Variants in RARB observed in about 807,000 individuals in gnomAD.
RARB encodes the protein HBV-activated protein.
In RARB, 17 loss-of-function variants were observed where a neutral mutation model predicts 51.9. The ratio of observed to expected loss-of-function variants is 0.33; its 90% confidence interval spans 0.22 to 0.49. RARB has a LOEUF of 0.49. Among genes scored for constraint, RARB ranks in the 20% least tolerant of loss-of-function variants. RARB has a pLI of 0.99. For missense variants in RARB, 369 were observed against 550.8 expected, an observed-to-expected ratio of 0.67 and a Z score of 3.30; for synonymous variants, 215 against 195.4, an observed-to-expected ratio of 1.10 and a Z score of -0.84.
At chr3:25,433,726 G>A (rs1708303725) in intron 1 of RARB, among the ~76,000 whole-genome samples, 3 of 152,142 alleles carry the variant, frequency 2.0e-5, no homozygotes, top group Admixed American at 6.6e-5. Context: ...TGCCCCATCT[G>A]TAAGATCTAA....
upstream of RARB, among the ~76,000 whole-genome samples, chr3:25,426,963 A>G (rs1000526961): frequency 6.6e-6 from 1 of 152,182 alleles, no homozygotes; most frequent in African/African-American, 2.4e-5. Flanking sequence ...AAATTACTGT[A>G]TTTTAATAAA....
At chr3:25,001,426 A>C (rs1354853133) in intron 2 of RARB, among the ~76,000 whole-genome samples, 2 of 152,166 alleles carry the variant, frequency 1.3e-5, no homozygotes, top group Non-Finnish European at 2.9e-5. Context: ...TCAGCAGAGT[A>C]GCAATGTGGA....
At chr3:25,214,285 T>G (rs1289675859) in intron 5 of RARB, among the ~76,000 whole-genome samples, 1 of 152,108 alleles carries the variant, frequency 6.6e-6, no homozygotes. Flanking sequence ...GAAGTTCTCT[T>G]TGAGCGATTA....
At chr3:25,584,091 A>G (rs1240220970) in intron 5 of RARB, among the ~76,000 whole-genome samples, 1 of 152,162 alleles carries the variant, frequency 6.6e-6, no homozygotes, top group African/African-American at 2.4e-5. Flanking sequence ...TAAAAATCGT[A>G]AAAACAAACC....
intron 2 of RARB, among the ~76,000 whole-genome samples, chr3:24,960,173 T>C (rs192560831): frequency 7.9e-5 from 12 of 152,250 alleles, no homozygotes; most frequent in African/African-American, 1.2e-4. Context: ...TATGGCCTTA[T>C]ATTTTGAGGA....
At chr3:25,038,084 A>T (rs1334320759) in intron 2 of RARB, among the ~76,000 whole-genome samples, 2 of 152,192 alleles carry the variant, frequency 1.3e-5, no homozygotes, top group Admixed American at 1.3e-4. Context: ...ATTAACTGTC[A>T]TGCCCACTTT....
intron 4 of RARB, among the ~76,000 whole-genome samples, chr3:25,574,407 G>A (rs1002208814): frequency 6.6e-6 from 1 of 152,180 alleles, no homozygotes; most frequent in Non-Finnish European, 1.5e-5. Context: ...GAGTCGTGCC[G>A]AATGTGCAGC....
At chr3:25,373,920 G>A (rs1201824992) in intron 5 of RARB, among the ~76,000 whole-genome samples, 1 of 152,194 alleles carries the variant, frequency 6.6e-6, no homozygotes, top group Admixed American at 6.5e-5. Flanking sequence ...AGAAGCCAGA[G>A]CAGTGTCTGG....
intron 5 of RARB, among the ~76,000 whole-genome samples, chr3:25,209,910 A>T (rs1376937245): frequency 6.6e-6 from 1 of 152,170 alleles, no homozygotes; most frequent in Admixed American, 6.5e-5. Flanking sequence ...ATCTTCCTAC[A>T]TTTAACTTGG....
At chr3:25,388,903 T>C (rs1706869885) in intron 5 of RARB, among the ~76,000 whole-genome samples, 1 of 152,178 alleles carries the variant, frequency 6.6e-6, no homozygotes, top group Non-Finnish European at 1.5e-5. Context: ...TCTTCAAAGT[T>C]GTAAGAGGAG....
intron 1 of RARB, among the ~76,000 whole-genome samples, chr3:24,841,817 A>G (rs1702424841): frequency 6.6e-6 from 1 of 152,178 alleles, no homozygotes; most frequent in African/African-American, 2.4e-5. Flanking sequence ...GCATATACAC[A>G]CTGCACACAT....
intron 3 of RARB, among the ~76,000 whole-genome samples, chr3:25,516,672 G>A (rs1218529687): frequency 6.9e-6 from 1 of 145,028 alleles, no homozygotes; most frequent in African/African-American, 2.8e-5. Flanking sequence ...TGTCGTCCAG[G>A]CTGGAGTGCA....
At chr3:25,212,981 T>G (rs2125379464) in intron 5 of RARB, among the ~76,000 whole-genome samples, 1 of 152,322 alleles carries the variant, frequency 6.6e-6, no homozygotes, top group East Asian at 1.9e-4. Flanking sequence ...GTTCTCATAT[T>G]TCACTCTCAG....
intron 2 of RARB, among the ~76,000 whole-genome samples, chr3:24,946,971 G>A (rs570660151): frequency 6.6e-6 from 1 of 152,286 alleles, no homozygotes; most frequent in Admixed American, 6.5e-5. Flanking sequence ...TAGTGCCATT[G>A]AAAAGACATG....
rs1016658132 is a variant in RARB at position 25,534,610 on chromosome 3, A to T, written c.448+33287A>T. 3.9e-5 allele frequency among the ~76,000 whole-genome samples: 6 copies of T among 152,068 alleles called. 1 individual carries two copies. The highest frequency in any genetic ancestry group is 1.2e-4 in the African/African-American group (5 of 41,396). ...CCCCCCGGCACAGTGTTTGCTGAAC[A>T]TACCTGTTTGGATACACTTTTGTGA... On this transcript the variant is annotated intron_variant, in intron 3 of 7. Coordinates refer to ENST00000330688, the MANE Select transcript of RARB (RefSeq NM_000965.5).
At chr3:25,245,404 G>A (rs1422249179) in intron 5 of RARB, among the ~76,000 whole-genome samples, 1 of 152,092 alleles carries the variant, frequency 6.6e-6, no homozygotes, top group Non-Finnish European at 1.5e-5. Context: ...AGTGTTGATG[G>A]CCTTTACATT....
At position 25,405,354 on chromosome 3, in the gene RARB, A is replaced by G. The variant is rs1360868590; in HGVS notation, c.179-55839A>G. ...GGCAACACAGTGAGACCCTGTCTCT[A>G]TTTAACAAACAAACAACTACTATAT... On this transcript the variant is annotated intron_variant, in intron 5 of 11. Transcript: ENST00000383772. Among the ~76,000 whole-genome samples, 6 of 152,324 alleles carry G rather than the reference A, an allele frequency of 3.9e-5. No individual in the cohort carries two copies. In the East Asian group the frequency reaches 9.6e-4, roughly 24 times the overall value.
intron 5 of RARB, among the ~76,000 whole-genome samples, chr3:25,261,053 G>A (rs1702985964): frequency 6.6e-6 from 1 of 152,090 alleles, no homozygotes. Context: ...ACCTCCTAGG[G>A]TTGTTGTGGG....
chr3:25,328,893 G>T lies in RARB; in HGVS notation c.179-132300G>T, dbSNP rs552606325. On this transcript the variant is annotated intron_variant, in intron 5 of 11. Transcript: ENST00000383772. ...GAGATTATGTCCCGTGCCTGGCTCG[G>T]AGGGTCCCACACCCACAGAGCCTCG... Among the ~76,000 whole-genome samples the T allele has an allele frequency of 5.3e-5, 8 of 152,316 alleles. No homozygotes were observed. In the South Asian group the frequency reaches 1.4e-3, roughly 28 times the overall value.
Sources: gnomAD v4.1 joint callset for allele counts (sites outside exome capture counted in the v4.1 genomes callset) on GRCh38, gnomAD v4.1.1 for gene constraint, MANE v1.5 for transcripts, NCBI Gene and HGNC (gene_info 2026-07-23, HGNC 2026-07-21) for gene names.